The following PXK variants were observed in gnomAD, a reference collection of about 807,000 sequenced individuals.
PXK encodes PX domain containing serine/threonine kinase like.
A neutral mutation model predicts 84.7 loss-of-function variants in PXK; 35 were observed. That is an observed-to-expected ratio of 0.41 (90% CI 0.32 to 0.55). PXK has a LOEUF of 0.55. Ranked by LOEUF, PXK falls within the 20% of genes least tolerant of loss-of-function variation. PXK has a pLI of 0.21. For synonymous variants in PXK, 253 were observed against 260.8 expected (o/e 0.97, Z 0.29); for missense variants, 634 against 699.7 (o/e 0.91, Z 1.06).
chr3:58,420,688 T>G, intron 17 of PXK: 2 of 1,505,450 alleles, frequency 1.3e-6, no homozygotes, highest in Non-Finnish European at 1.8e-6. Context: ...GATTTGAGAC[T>G]ATTTCCTTAT....
chr3:58,397,765 T>C lies in PXK; in HGVS notation c.1102+43T>C. 2.0e-6 allele frequency: 3 copies of C among 1,466,846 alleles called. No individual in the cohort carries two copies. The highest frequency in any genetic ancestry group is 1.9e-6 in the Non-Finnish European group (2 of 1,047,936). The allele number at this position is 1,466,846 out of a possible 1,614,324, so 90.9% of individuals were successfully genotyped here. On this transcript the variant is annotated intron_variant, in intron 11 of 17. Coordinates refer to ENST00000356151, the MANE Select transcript of PXK (RefSeq NM_017771.5). The surrounding 1 kb of genome is among the most constrained non-coding windows in gnomAD (Gnocchi z 4.7). The stretch of plus-strand genomic sequence containing the variant: ...AAGGGTCTTCTGGGCCCTAGTAGTG[T>C]GCAGAGCCACTCATCCCCTTTCCAG...
At chr3:58,347,229 C>G (rs1261073021) in intron 1 of PXK, among the ~76,000 whole-genome samples, 1 of 152,156 alleles carries the variant, frequency 6.6e-6, no homozygotes, top group Non-Finnish European at 1.5e-5. Flanking sequence ...AATTCTTTCT[C>G]TCTCTGTTTC....
At chr3:58,408,569 C>T (rs149368373) in intron 13 of PXK, among the ~76,000 whole-genome samples, 6,833 of 151,148 alleles carry the variant, frequency 0.045, 241 homozygotes, top group Non-Finnish European at 0.068. Flanking sequence ...GTCACCCAGG[C>T]TGGAGTGCAG....
Position 58,390,637 on chromosome 3 carries a change from G to A in PXK, c.444G>A (p.Val148=). The change falls in exon 5 of 18, where the codon GTG becomes GTA. Residue 148 remains valine (V), a synonymous_variant. Coordinates refer to ENST00000356151, the MANE Select transcript of PXK (RefSeq NM_017771.5). The surrounding 1 kb of genome is among the most constrained non-coding windows in gnomAD (Gnocchi z 4.2). ...TCCGATCAGAACCAAAGTGGGAGGT[G>A]GTGGAACCTTTGAAAGACATAGGTG... The part of the protein sequence containing the change: ...MFFRSEPKWE[V]VEPLKDIGWR... 1 of 1,612,514 alleles carries A rather than the reference G, an allele frequency of 6.2e-7. No homozygotes were observed.
intron 4 of PXK, among the ~76,000 whole-genome samples, chr3:58,387,886 G>A (rs1353767709): frequency 6.6e-6 from 1 of 152,100 alleles, no homozygotes; most frequent in Admixed American, 6.6e-5. Flanking sequence ...TGAGGGAGTG[G>A]GGGCAGGCCA....
intron 17 of PXK, among the ~76,000 whole-genome samples, chr3:58,415,482 G>C (rs2060816469): frequency 6.6e-6 from 1 of 152,360 alleles, no homozygotes; most frequent in Middle Eastern, 3.4e-3. Flanking sequence ...GGCAAGGTGT[G>C]GGGGAAGGAG....
intron 9 of PXK, 119 bp downstream of exon 9, chr3:58,395,878 A>G (rs553264512): frequency 1.4e-6 from 1 of 732,850 alleles, no homozygotes; most frequent in East Asian, 3.0e-5. Flanking sequence ...TTATAAACTG[A>G]TTGCATTGTC....
At chr3:58,365,390 G>T (rs767675538) in intron 1 of PXK, among the ~76,000 whole-genome samples, 10 of 152,086 alleles carry the variant, frequency 6.6e-5, no homozygotes, top group Non-Finnish European at 1.5e-4. Context: ...GAGATTTATG[G>T]CTCAGGATAT....
rs750481664 is a variant in PXK, at chr3:58,415,991, G to A, written c.1528+3028G>A. Among the ~76,000 whole-genome samples, 76 of 152,212 alleles carry A rather than the reference G, an allele frequency of 5.0e-4. 1 individual carries two copies. Among genetic ancestry groups the A allele is most frequent in the East Asian group, 2.1e-3 (11 of 5,186 alleles). On this transcript the variant is annotated intron_variant, in intron 17 of 17. Coordinates refer to ENST00000356151, the MANE Select transcript of PXK (RefSeq NM_017771.5). ...GTTGCAGAAGCTCTAAGAATTTTGG[G>A]GTCAGTAGAAAAATGCTAACTTGCT...
intron 17 of PXK, among the ~76,000 whole-genome samples, chr3:58,415,256 T>C (rs1351182960): frequency 6.6e-6 from 1 of 152,132 alleles, no homozygotes; most frequent in Admixed American, 6.5e-5. Flanking sequence ...TACCTGGAGA[T>C]AGCGTCAGAC....
chr3:58,395,405 G>A (rs1282973891), intron 8 of PXK, among the ~76,000 whole-genome samples: 2 of 152,178 alleles, frequency 1.3e-5, no homozygotes, highest in East Asian at 3.8e-4. Flanking sequence ...TGAAGAATTC[G>A]AACAATATGC....
chr3:58,336,071 ATTTTTTTTTTTT>A (rs1171021563), intron 1 of PXK, among the ~76,000 whole-genome samples: 129 of 51,512 alleles, frequency 2.5e-3, no homozygotes, highest in African/African-American at 0.013. Flanking sequence ...ATATATATAT[ATTTTTTTTTTTT>A]TTTTTTAATA....
intron 17 of PXK, among the ~76,000 whole-genome samples, chr3:58,420,216 C>T (rs2061612057): frequency 6.6e-6 from 1 of 152,168 alleles, no homozygotes; most frequent in Admixed American, 6.5e-5. Flanking sequence ...CTGAAGTGAG[C>T]GTCATGCTTG....
At chr3:58,387,617 T>C (rs755834926) in intron 4 of PXK, among the ~76,000 whole-genome samples, 1 of 152,068 alleles carries the variant, frequency 6.6e-6, no homozygotes, top group Non-Finnish European at 1.5e-5. Context: ...GAGTAGAAGG[T>C]AGCCAGGCCG....
chr3:58,351,539 G>C (rs1468758906), intron 1 of PXK, among the ~76,000 whole-genome samples: 1 of 152,098 alleles, frequency 6.6e-6, no homozygotes, highest in Non-Finnish European at 1.5e-5. Context: ...GAGATTACAG[G>C]TGTGAGCCAC....
At chr3:58,371,310 C>T (rs530512599) in intron 3 of PXK, among the ~76,000 whole-genome samples, 27 of 152,174 alleles carry the variant, frequency 1.8e-4, no homozygotes, top group Admixed American at 3.3e-4. Flanking sequence ...AGAGCTGGGC[C>T]TATGATGACA....
chr3:58,382,475 G>A (rs776928418), intron 3 of PXK, 39 bp from the exon 4 acceptor site: 2 of 1,440,364 alleles, frequency 1.4e-6, no homozygotes, highest in East Asian at 2.4e-5. Context: ...TCTTATTTGT[G>A]GATGACATGA....
rs1035542004 is a variant in PXK at position 58,411,161 on chromosome 3, G to A, written c.1465+1002G>A. The stretch of plus-strand genomic sequence containing the variant: ...CAGTCTTCTCAGTGAAGTCAGGGAG[G>A]AGAATGTCTGCCTGGGGCGGGAGGA... On this transcript the variant is annotated intron_variant, in intron 16 of 17. Coordinates refer to ENST00000356151, the MANE Select transcript of PXK (RefSeq NM_017771.5). The surrounding 1 kb of genome is among the most constrained non-coding windows in gnomAD (Gnocchi z 4.2). 1.3e-5 allele frequency among the ~76,000 whole-genome samples: 2 copies of A among 152,206 alleles called. No homozygotes were observed. Among genetic ancestry groups the A allele is most frequent in the Non-Finnish European group, 2.9e-5 (2 of 68,038 alleles).
rs2060233612 is a variant in PXK at position 58,411,734 on chromosome 3, T to G, written c.1466-1167T>G. 6.6e-6 allele frequency among the ~76,000 whole-genome samples: 1 copy of G among 152,154 alleles called. No homozygotes were observed. Among genetic ancestry groups the G allele is most frequent in the South Asian group, 2.1e-4 (1 of 4,824 alleles). The stretch of plus-strand genomic sequence containing the variant: ...GGAAAATGAAGTAGCAGTTGATGGA[T>G]ATATACAGATAATTCCCAAACTTTA... On this transcript the variant is annotated intron_variant, in intron 16 of 17. Coordinates refer to ENST00000356151, the MANE Select transcript of PXK (RefSeq NM_017771.5). This position sits in a 1 kb window ranked among gnomAD's most constrained non-coding sequence, Gnocchi z 4.2.
Sources: allele counts gnomAD v4.1 joint callset (sites outside exome capture counted in the v4.1 genomes callset), GRCh38; gene constraint gnomAD v4.1.1; non-coding constraint Gnocchi (gnomAD v3.1); transcripts MANE v1.5; gene names NCBI Gene and HGNC (gene_info 2026-07-23, HGNC 2026-07-21).